Variants in PRKG1 observed in about 807,000 individuals in gnomAD.
PRKG1 encodes the protein protein kinase cGMP-dependent 1.
PRKG1 carries 35 observed loss-of-function variants against 88.1 expected under a neutral mutation model. The ratio of observed to expected loss-of-function variants is 0.40; its 90% CI spans 0.30 to 0.53. The LOEUF is 0.53. Among genes scored for constraint, PRKG1 ranks in the 20% least tolerant of loss-of-function variants. PRKG1 has a pLI of 0.59. For missense variants in PRKG1, 540 were observed against 839.8 expected, an observed-to-expected ratio of 0.64 and a Z score of 4.41; for synonymous variants, 303 against 292.5, an observed-to-expected ratio of 1.04 and a Z score of -0.37.
At chr10:51,023,901 A>G (rs952961846) in intron 1 of PRKG1, among the ~76,000 whole-genome samples, 1 of 152,238 alleles carries the variant, frequency 6.6e-6, no homozygotes, top group African/African-American at 2.4e-5. Flanking sequence ...ACTGGCAGAG[A>G]TTCTGATATT....
intron 7 of PRKG1, among the ~76,000 whole-genome samples, chr10:52,098,860 T>A (rs1847233293): frequency 2.6e-5 from 4 of 152,124 alleles, no homozygotes; most frequent in Admixed American, 2.6e-4. Context: ...GGTCTAAGTA[T>A]CTAAATAACA....
intron 2 of PRKG1, among the ~76,000 whole-genome samples, chr10:51,156,921 C>A (rs1484147874): frequency 6.6e-6 from 1 of 151,866 alleles, no homozygotes; most frequent in Non-Finnish European, 1.5e-5. Flanking sequence ...GGATCTTCCA[C>A]AAGCTTGCTT....
At chr10:52,189,472 T>C (rs1839308590) in intron 9 of PRKG1, among the ~76,000 whole-genome samples, 1 of 152,170 alleles carries the variant, frequency 6.6e-6, no homozygotes, top group African/African-American at 2.4e-5. Context: ...CATTACTACC[T>C]GAGCTCTGCC....
At position 51,839,342 on chromosome 10, in the gene PRKG1, A is replaced by G. The variant is rs1005155302; in HGVS notation, c.698+34652A>G. 9.2e-5 allele frequency among the ~76,000 whole-genome samples: 14 copies of G among 152,306 alleles called. 1 individual carries two copies. Among genetic ancestry groups the G allele is most frequent in the Admixed American group, 7.8e-4 (12 of 15,296 alleles). ...GTGACAGTGGGAACATTTAGCGTAG[A>G]AGCCAACAAATAAATATGTCTTCTA... On this transcript the variant is annotated intron_variant, in intron 4 of 17. Coordinates refer to ENST00000373980, the MANE Select transcript of PRKG1 (RefSeq NM_006258.4).
intron 4 of PRKG1, among the ~76,000 whole-genome samples, chr10:51,855,125 T>A (rs546886261): frequency 6.6e-6 from 1 of 152,358 alleles, no homozygotes; most frequent in South Asian, 2.1e-4. Flanking sequence ...CTAAAACTTT[T>A]AGTAGCACAT....
At chr10:51,919,628 T>A (rs1036169325) in intron 5 of PRKG1, among the ~76,000 whole-genome samples, 3 of 151,970 alleles carry the variant, frequency 2.0e-5, no homozygotes, top group African/African-American at 7.2e-5. Flanking sequence ...TGACTCCTCT[T>A]TCCTCTTCCA....
intron 2 of PRKG1, among the ~76,000 whole-genome samples, chr10:51,411,840 T>C (rs1192122309): frequency 6.6e-6 from 1 of 152,176 alleles, no homozygotes; most frequent in Admixed American, 6.6e-5. Context: ...ATTGTGCTTC[T>C]GAATGAAGGA....
chr10:51,013,101 A>G (rs1843013465), intron 1 of PRKG1, among the ~76,000 whole-genome samples: 2 of 152,246 alleles, frequency 1.3e-5, no homozygotes, highest in Middle Eastern at 3.2e-3. Flanking sequence ...CGAAGGTAGT[A>G]AAGGTTAGAG....
intron 2 of PRKG1, among the ~76,000 whole-genome samples, chr10:51,285,053 C>T (rs1179174929): frequency 1.1e-5 from 1 of 90,356 alleles, no homozygotes; most frequent in Non-Finnish European, 2.2e-5. Context: ...GCCCTCCCCC[C>T]ACCCCACCAC....
At chr10:51,559,148 G>A (rs184251840) in intron 3 of PRKG1, among the ~76,000 whole-genome samples, 47 of 152,118 alleles carry the variant, frequency 3.1e-4, no homozygotes, top group African/African-American at 1.1e-3. Flanking sequence ...TCAGTTTCAG[G>A]CATCCACTGA....
At chr10:51,299,506 T>C in intron 2 of PRKG1, 1 of 464,104 alleles carries the variant, frequency 2.2e-6, no homozygotes, top group Non-Finnish European at 4.4e-6. Context: ...ATGCCCCGCC[T>C]CTTTTTGCTC....
At chr10:51,870,430 C>CA (rs58636357) in intron 4 of PRKG1, among the ~76,000 whole-genome samples, 24,314 of 151,544 alleles carry the variant, frequency 0.16, 3,590 homozygotes, top group African/African-American at 0.39. Flanking sequence ...TCTGCTTGGC[C>CA]ATTTTGTCCC....
At chr10:51,450,848 A>AC (rs1839414984) in intron 2 of PRKG1, among the ~76,000 whole-genome samples, 1 of 150,750 alleles carries the variant, frequency 6.6e-6, no homozygotes, top group African/African-American at 2.4e-5. Flanking sequence ...CTTAACAAAA[A>AC]TTAAAAAAAA....
Position 51,832,054 on chromosome 10 carries a change from A to G in PRKG1, c.698+27364A>G, listed in dbSNP as rs554011969. On this transcript the variant is annotated intron_variant, in intron 4 of 17. Transcript: ENST00000373980. ...TGGAAAGAGTTAATTTCTGTAAGAC[A>G]GGTGAAAATATCAGGCATTTTTCAG... Among the ~76,000 whole-genome samples, 13 of 152,308 alleles carry G rather than the reference A, an allele frequency of 8.5e-5. No homozygotes were observed. The East Asian group carries it at 2.5e-3, about 29-fold the overall frequency.
chr10:51,444,155 T>C (rs956458682), intron 2 of PRKG1, among the ~76,000 whole-genome samples: 2 of 151,244 alleles, frequency 1.3e-5, no homozygotes, highest in African/African-American at 2.4e-5. Flanking sequence ...ATACCAGCTG[T>C]ATATTACAGT....
At chr10:51,892,583 GAACA>G in intron 4 of PRKG1, among the ~76,000 whole-genome samples, 1 of 152,250 alleles carries the variant, frequency 6.6e-6, no homozygotes, top group South Asian at 2.1e-4. Flanking sequence ...GTTTCATGCA[GAACA>G]AATAGCAAAC....
chr10:52,039,989 C>G (rs1845715907), intron 5 of PRKG1, among the ~76,000 whole-genome samples: 2 of 152,142 alleles, frequency 1.3e-5, no homozygotes, highest in Non-Finnish European at 2.9e-5. Flanking sequence ...ACAAAAAATC[C>G]TTACCATAAG....
chr10:52,209,652 A>G (rs940482207), intron 9 of PRKG1, among the ~76,000 whole-genome samples: 3 of 152,244 alleles, frequency 2.0e-5, no homozygotes, highest in African/African-American at 7.2e-5. Context: ...CTCACACTTT[A>G]CCAAAACCGA....
At chr10:51,959,521 G>A (rs1843395328) in intron 5 of PRKG1, among the ~76,000 whole-genome samples, 1 of 152,116 alleles carries the variant, frequency 6.6e-6, no homozygotes, top group African/African-American at 2.4e-5. Context: ...CTCAGTTCCA[G>A]CTTTGATGCC....
Sources: gnomAD v4.1 joint callset for allele counts (sites outside exome capture counted in the v4.1 genomes callset) on GRCh38, gnomAD v4.1.1 for gene constraint, MANE v1.5 for transcripts, NCBI Gene and HGNC (gene_info 2026-07-23, HGNC 2026-07-21) for gene names.